The following CDC23 variants were observed in gnomAD, a reference collection of about 807,000 sequenced individuals.
CDC23 encodes cell division cycle 23, also known as cell division cycle protein 23 homolog.
CDC23 carries 26 observed loss-of-function variants against 81.7 expected under a neutral mutation model. The observed-to-expected ratio is 0.32, with a 90% CI of 0.23 to 0.44. The LOEUF is 0.44. CDC23 is among the 20% of genes least tolerant of loss of function. The pLI is 1.00. For missense variants in CDC23, 519 were observed against 728.0 expected (o/e 0.71, Z 3.30); for synonymous variants, 267 against 270.8 (o/e 0.99, Z 0.14).
intron 3 of CDC23, among the ~76,000 whole-genome samples, chr5:138,204,453 T>C (rs1489453910): frequency 6.7e-6 from 1 of 148,836 alleles, no homozygotes; most frequent in African/African-American, 2.5e-5. Context: ...TGCAGTGAGT[T>C]GAGATCGCAC....
chr5:138,191,577 G>T, intron 12 of CDC23, 42 bp from the exon 13 acceptor site: 1 of 1,555,506 alleles, frequency 6.4e-7, no homozygotes, highest in Non-Finnish European at 8.9e-7. Context: ...ATTGTCCCAT[G>T]TGTCACAACT....
At chr5:138,211,226 A>G (rs1231901766) in intron 2 of CDC23, among the ~76,000 whole-genome samples, 3 of 152,208 alleles carry the variant, frequency 2.0e-5, no homozygotes, top group Non-Finnish European at 2.9e-5. Flanking sequence ...ACATGGATGC[A>G]GCTAGAGGCC....
At chr5:138,191,818 C>T (rs780875301) in intron 12 of CDC23, 44 bp downstream of exon 12, 2 of 1,455,368 alleles carry the variant, frequency 1.4e-6, no homozygotes, top group South Asian at 2.3e-5. Flanking sequence ...TTCATCTAAA[C>T]AGCAGATTTC....
chr5:138,212,422 G>A (rs1755123770), intron 2 of CDC23, among the ~76,000 whole-genome samples: 1 of 152,144 alleles, frequency 6.6e-6, no homozygotes, highest in African/African-American at 2.4e-5. Context: ...GGGTTTAAGC[G>A]ATTCTCCTGT....
chr5:138,209,823 CAA>C (rs547832716), intron 2 of CDC23, among the ~76,000 whole-genome samples: 3 of 118,976 alleles, frequency 2.5e-5, no homozygotes, highest in Non-Finnish European at 1.8e-5. Context: ...AACTCCGTCT[CAA>C]AAAAAAAAAA....
intron 9 of CDC23, among the ~76,000 whole-genome samples, chr5:138,193,018 C>G (rs1284132535): frequency 6.6e-6 from 1 of 152,206 alleles, no homozygotes. Flanking sequence ...CAGCCTCAAC[C>G]TCCTGAGCTC....
At chr5:138,193,438 A>G (rs1277936342) in intron 9 of CDC23, among the ~76,000 whole-genome samples, 2 of 152,042 alleles carry the variant, frequency 1.3e-5, no homozygotes, top group Non-Finnish European at 2.9e-5. Context: ...TCTACTAAAA[A>G]TACAAAAATT....
rs1020572184 is a variant in CDC23 at position 138,208,250 on chromosome 5, C to T, written c.235-1566G>A. On this transcript the variant is annotated intron_variant, in intron 2 of 15. Transcript: ENST00000394886. ...GATTACAGGCACGAGCCACCACCGG[C>T]CCAATCCTCCAAATTCTAAGGATGA... Among the ~76,000 whole-genome samples, 28 of 152,158 alleles carry T rather than the reference C, an allele frequency of 1.8e-4. 1 individual carries two copies. The highest frequency in any genetic ancestry group is 6.3e-4 in the African/African-American group (26 of 41,438).
At chr5:138,208,331 C>T (rs1285452507) in intron 2 of CDC23, among the ~76,000 whole-genome samples, 2 of 152,294 alleles carry the variant, frequency 1.3e-5, no homozygotes, top group South Asian at 4.1e-4. Context: ...CCAAATATCA[C>T]CAGAACAAAA....
rs570700364 is a variant in CDC23, at chr5:138,198,841, C to T, written c.655-59G>A. 2.0e-6 allele frequency: 3 copies of T among 1,510,172 alleles called. No individual in the cohort carries two copies. The African/African-American group carries it at 4.2e-5, about 21-fold the overall frequency. 93.5% of individuals were successfully genotyped at this position (1,510,172 alleles called of 1,614,324 possible). A position where few individuals can be genotyped will look rare whatever the true frequency, so the allele number is the denominator to read the frequency against. ...TAACTTGACCTCTCTCTCAAACAAACATCCAGGAACTATCTTTATTATCTA... is the reference window on the plus strand; with the variant it reads ...TAACTTGACCTCTCTCTCAAACAAATATCCAGGAACTATCTTTATTATCTA... On this transcript the variant is annotated intron_variant, in intron 6 of 15. Transcript: ENST00000394886.
intron 2 of CDC23, among the ~76,000 whole-genome samples, chr5:138,207,079 C>T (rs1181047580): frequency 6.6e-6 from 1 of 151,924 alleles, no homozygotes; most frequent in Non-Finnish European, 1.5e-5. Flanking sequence ...GGGGTTTCGC[C>T]ATGTTGGCCA....
Position 138,198,471 on chromosome 5 carries a change from G to GT in CDC23, c.884dup (p.Tyr295Ter). ...IFNELRKQDP[Y>*]RIENMDTFSN... is the part of the protein sequence containing the mutation. ...AGAATGTGTCCATATTTTCAATCCT[G>GT]TAAGGGTCTTGTTTCCTTAGCTCAT... Residue 295 changes from tyrosine to a stop codon, truncating the protein, a stop_gained and frameshift_variant, in exon 8 of 16, where the codon TAC (tyrosine) becomes TAAC (stop). Coordinates refer to ENST00000394886, the MANE Select transcript of CDC23 (RefSeq NM_004661.4). LOFTEE classifies it high-confidence loss of function. 6.2e-7 allele frequency: 1 copy of GT among 1,614,164 alleles called. No individual in the cohort carries two copies.
At chr5:138,198,161 A>G in intron 9 of CDC23, 38 bp downstream of exon 9, 1 of 1,424,692 alleles carries the variant, frequency 7.0e-7, no homozygotes, top group Non-Finnish European at 9.8e-7. Context: ...CTTATAATAA[A>G]TATAAATCTT....
chr5:138,196,609 C>T (rs1754910300), intron 9 of CDC23, among the ~76,000 whole-genome samples: 2 of 135,132 alleles, frequency 1.5e-5, no homozygotes, highest in African/African-American at 5.6e-5. Context: ...GAGATGGAGT[C>T]TCACTCCGTC....
At chr5:138,198,160 A>T (rs775263034) in intron 9 of CDC23, 39 bp downstream of exon 9, 2 of 1,419,848 alleles carry the variant, frequency 1.4e-6, no homozygotes, top group Non-Finnish European at 9.9e-7. Context: ...ACTTATAATA[A>T]ATATAAATCT....
chr5:138,207,611 A>C (rs1360295038), intron 2 of CDC23, among the ~76,000 whole-genome samples: 1 of 152,194 alleles, frequency 6.6e-6, no homozygotes, highest in Non-Finnish European at 1.5e-5. Flanking sequence ...GGCACAGAAC[A>C]CAGCTGTAAT....
chr5:138,191,965 C>T (rs770000964), intron 11 of CDC23, 28 bp from the exon 12 acceptor site: 1 of 1,596,514 alleles, frequency 6.3e-7, no homozygotes, highest in East Asian at 2.2e-5. Flanking sequence ...GCAGTCTGAG[C>T]AAAGACTTTA....
chr5:138,197,738 G>C (rs1317124856), intron 9 of CDC23, among the ~76,000 whole-genome samples: 1 of 147,214 alleles, frequency 6.8e-6, no homozygotes, highest in South Asian at 2.1e-4. Flanking sequence ...CTCATGATCT[G>C]CCTGCCCTGG....
At chr5:138,195,750 T>TATATATAC (rs1754893626) in intron 9 of CDC23, among the ~76,000 whole-genome samples, 1 of 119,310 alleles carries the variant, frequency 8.4e-6, no homozygotes, top group African/African-American at 3.2e-5. Flanking sequence ...TATATATGTA[T>TATATATAC]ATATATACAT....
Sources: allele counts gnomAD v4.1 joint callset (sites outside exome capture counted in the v4.1 genomes callset), GRCh38; gene constraint gnomAD v4.1.1; transcripts MANE v1.5; gene names NCBI Gene and HGNC (gene_info 2026-07-23, HGNC 2026-07-21).